Variants in SACM1L observed in about 807,000 individuals in gnomAD.
SACM1L encodes SAC1 like phosphatidylinositide phosphatase, also known as phosphatidylinositol-3-phosphatase SAC1.
A neutral mutation model predicts 89.5 loss-of-function variants in SACM1L; 32 were observed. That is an observed-to-expected ratio of 0.36 (90% confidence interval 0.27 to 0.48). The LOEUF (loss-of-function observed/expected upper bound fraction) is 0.48, where lower values mean the gene tolerates loss of function less well. Among genes scored for constraint, SACM1L ranks in the 20% least tolerant of loss-of-function variants. The pLI is 0.99. For missense variants in SACM1L, 543 were observed against 708.5 expected (o/e 0.77, Z 2.65); for synonymous variants, 213 against 232.8 (o/e 0.92, Z 0.77).
intron 1 of SACM1L, among the ~76,000 whole-genome samples, chr3:45,690,714 TC>T (rs377735687): frequency 1.7e-3 from 208 of 123,454 alleles, no homozygotes; most frequent in African/African-American, 6.1e-3. Context: ...GCTGCACACT[TC>T]CCTCCACATT....
At chr3:45,697,352 G>T (rs13091120) in intron 1 of SACM1L, among the ~76,000 whole-genome samples, 1 of 143,064 alleles carries the variant, frequency 7.0e-6, no homozygotes, top group Non-Finnish European at 1.5e-5. Context: ...TCTTGGCTCA[G>T]AGCAGCCTCT....
rs773661953 is a variant in SACM1L, at chr3:45,705,255, G to T, written c.205+46G>T. 1.3e-5 allele frequency: 15 copies of T among 1,188,814 alleles called. No homozygotes were observed. In the African/African-American group the frequency reaches 2.3e-4, roughly 18 times the overall value. The allele number at this position is 1,188,814 out of a possible 1,614,324, so 73.6% of individuals were successfully genotyped here. ...ATGGGCAAAGAAGGTAATTAGCAAGGTAGTTAAATTGTTAATATTAGAGTG... is the reference window on the plus strand; with the variant it reads ...ATGGGCAAAGAAGGTAATTAGCAAGTTAGTTAAATTGTTAATATTAGAGTG... On this transcript the variant is annotated intron_variant, in intron 3 of 19. Transcript: ENST00000389061.
intron 6 of SACM1L, chr3:45,713,827 A>G (rs572169308): frequency 1.7e-4 from 49 of 282,514 alleles, no homozygotes; most frequent in African/African-American, 1.0e-3. Context: ...CTGTAACTTC[A>G]TGTAGCTTTA....
intron 11 of SACM1L, among the ~76,000 whole-genome samples, chr3:45,723,789 C>G (rs974245971): frequency 3.9e-5 from 6 of 152,078 alleles, no homozygotes; most frequent in African/African-American, 1.4e-4. Context: ...TACTTTCTGT[C>G]TCTCTGAATT....
At position 45,743,787 on chromosome 3, in the gene SACM1L, C is replaced by A; in HGVS notation, c.*118C>A. The A allele has an allele frequency of 9.6e-7, 1 of 1,043,910 alleles. No homozygotes were observed. Among genetic ancestry groups the A allele is most frequent in the Non-Finnish European group, 1.4e-6 (1 of 728,804 alleles). The allele number at this position is 1,043,910 out of a possible 1,614,324, so 64.7% of individuals were successfully genotyped here. A position where few individuals can be genotyped will look rare whatever the true frequency, so the allele number is the denominator to read the frequency against. ...TTTTTAATGCCTTTATCCAAAAGCA[C>A]ATCTTGTGCTCCATGCAGGATGATG... On this transcript the variant is annotated 3_prime_UTR_variant, in exon 20 of 20. Coordinates refer to ENST00000389061, the MANE Select transcript of SACM1L (RefSeq NM_014016.5).
chr3:45,735,119 C>T (rs1699170722), intron 13 of SACM1L, 116 bp from the exon 14 acceptor site: 2 of 1,027,212 alleles, frequency 1.9e-6, no homozygotes, highest in African/African-American at 3.3e-5. Context: ...CCTGTCTGAC[C>T]TTTTAATTTA....
chr3:45,737,474 A>G (rs1699226609), intron 14 of SACM1L, 109 bp from the exon 15 acceptor site: 1 of 1,083,434 alleles, frequency 9.2e-7, no homozygotes, highest in Non-Finnish European at 1.4e-6. Flanking sequence ...TCTGGCCTGC[A>G]TCCAGCAACC....
At chr3:45,725,204 T>C (rs1698889725) in intron 11 of SACM1L, among the ~76,000 whole-genome samples, 1 of 152,148 alleles carries the variant, frequency 6.6e-6, no homozygotes, top group Admixed American at 6.6e-5. Flanking sequence ...TTAGGCTTGG[T>C]TTTTCTATTT....
chr3:45,737,321 T>G, intron 14 of SACM1L: 1 of 458,284 alleles, frequency 2.2e-6, no homozygotes, highest in South Asian at 3.4e-5. Context: ...CTTCTGACCC[T>G]CTCCCTGAGT....
intron 14 of SACM1L, 189 bp from the exon 15 acceptor site, chr3:45,737,394 A>T: frequency 1.6e-6 from 1 of 608,528 alleles, no homozygotes; most frequent in East Asian, 2.9e-5. Context: ...CCCTCAGGAG[A>T]GGCTTTGCAG....
chr3:45,704,506 T>C (rs1224843095), intron 2 of SACM1L, among the ~76,000 whole-genome samples: 1 of 152,216 alleles, frequency 6.6e-6, no homozygotes, highest in East Asian at 1.9e-4. Flanking sequence ...GCTTGGTGGC[T>C]GCTCTCTCAA....
Position 45,718,737 on chromosome 3 carries a change from G to C in SACM1L, c.578-763G>C, listed in dbSNP as rs540533797. On this transcript the variant is annotated intron_variant, in intron 7 of 19. Transcript: ENST00000389061. ...ATAATAAAAACATTTAATGTAAGAG[G>C]TATGCCAATTCCAAAGGCTTTTGCA... 1.6e-4 allele frequency among the ~76,000 whole-genome samples: 24 copies of C among 152,152 alleles called. 1 individual carries two copies. The highest frequency in any genetic ancestry group is 3.9e-4 in the African/African-American group (16 of 41,536).
intron 19 of SACM1L, among the ~76,000 whole-genome samples, chr3:45,740,386 G>A (rs1699288963): frequency 6.6e-6 from 1 of 152,138 alleles, no homozygotes; most frequent in African/African-American, 2.4e-5. Context: ...GTCTTTTAGG[G>A]TAAAGATTTT....
At chr3:45,718,343 T>C (rs1268814330) in intron 7 of SACM1L, among the ~76,000 whole-genome samples, 3 of 151,670 alleles carry the variant, frequency 2.0e-5, no homozygotes, top group Admixed American at 6.6e-5. Flanking sequence ...AGAATTTGTT[T>C]AGTGGCAAAA....
At chr3:45,705,318 G>T in intron 3 of SACM1L, 109 bp downstream of exon 3, 1 of 563,872 alleles carries the variant, frequency 1.8e-6, no homozygotes. Flanking sequence ...CATGCTTTAA[G>T]CAGTAAATCT....
chr3:45,689,927 A>C, intron 1 of SACM1L: 1 of 194,978 alleles, frequency 5.1e-6, no homozygotes, highest in Non-Finnish European at 1.1e-5. Context: ...CAAATCAACA[A>C]ATCTTTGTTT....
chr3:45,738,596 T>C lies in SACM1L; in HGVS notation c.1401T>C (p.His467=). 2 of 1,611,574 alleles carry C rather than the reference T, an allele frequency of 1.2e-6. No homozygotes were observed. The highest frequency in any genetic ancestry group is 1.7e-6 in the Non-Finnish European group (2 of 1,177,896). ...TDFTRTGKRT[H]LGLIMDGWNS... ...TAACCAGAACTGGAAAGAGAACTCA[T>C]TTGGGACTTATAATGGATGGCTGGA... The change falls in exon 17 of 20, where the codon CAT becomes CAC. Residue 467 remains histidine (H), a synonymous_variant. Coordinates refer to ENST00000389061, the MANE Select transcript of SACM1L (RefSeq NM_014016.5).
At chr3:45,691,010 A>C (rs755143451) in intron 1 of SACM1L, among the ~76,000 whole-genome samples, 37 of 152,226 alleles carry the variant, frequency 2.4e-4, no homozygotes, top group Non-Finnish European at 4.1e-4. Context: ...AATTATGATG[A>C]TTGTTTTTCA....
intron 1 of SACM1L, among the ~76,000 whole-genome samples, chr3:45,702,623 G>A (rs934859697): frequency 3.3e-5 from 5 of 152,130 alleles, no homozygotes; most frequent in East Asian, 3.8e-4. Flanking sequence ...AAATGAAAAC[G>A]CAGTTTTACT....
Sources: allele counts gnomAD v4.1 joint callset (sites outside exome capture counted in the v4.1 genomes callset), GRCh38; gene constraint gnomAD v4.1.1; transcripts MANE v1.5; gene names NCBI Gene and HGNC (gene_info 2026-07-23, HGNC 2026-07-21).